The following CEP126 variants were observed in gnomAD, a reference collection of about 807,000 sequenced individuals.
CEP126 encodes centrosomal protein of 126 kDa.
In CEP126, 74 loss-of-function variants were observed where a neutral mutation model predicts 107.8. That is an observed-to-expected ratio of 0.69 (90% confidence interval 0.57 to 0.83). CEP126 has a LOEUF of 0.83. CEP126 is among the 40% of genes least tolerant of loss of function. CEP126 has a pLI of 0.00. For missense variants in CEP126, 1,237 were observed against 1,281.9 expected (o/e 0.96, Z 0.53); for synonymous variants, 449 against 446.0 (o/e 1.01, Z -0.08).
intron 6 of CEP126, among the ~76,000 whole-genome samples, chr11:101,964,503 C>T (rs1325658864): frequency 2.6e-5 from 4 of 151,972 alleles, no homozygotes; most frequent in East Asian, 1.9e-4. Context: ...CATGGTGGCG[C>T]GTGCCTGTAA....
chr11:101,952,194 G>A (rs531041955), intron 4 of CEP126, among the ~76,000 whole-genome samples: 2 of 152,268 alleles, frequency 1.3e-5, no homozygotes, highest in African/African-American at 4.8e-5. Context: ...TTGTGTTAAG[G>A]GAGCTACAAG....
rs748523679 is a variant in CEP126 at position 101,963,546 on chromosome 11, T to C, written c.2511T>C (p.Ser837=). Residue 837 remains serine (S), a synonymous_variant, in exon 6 of 11, where the codon TCT becomes TCC. Coordinates refer to ENST00000263468, the MANE Select transcript of CEP126 (RefSeq NM_020802.4). ...ENPQNIITHN[S]FNSKHVLPTE... ...CTCAAAACATTATTACACATAACTC[T>C]TTTAATTCAAAACATGTGCTTCCAA... The C allele has an allele frequency of 3.7e-6, 6 of 1,614,036 alleles. No homozygotes were observed.
At position 101,962,437 on chromosome 11, in the gene CEP126, A is replaced by G. The variant is rs1450564752; in HGVS notation, c.1402A>G (p.Asn468Asp). The G allele has an allele frequency of 1.2e-6, 2 of 1,613,884 alleles. No homozygotes were observed. Among genetic ancestry groups the G allele is most frequent in the Admixed American group, 3.3e-5 (2 of 59,998 alleles). ...PVATPLVLPS[N>D]IQSARPSAKN... ...GGCAACGCCTTTAGTTTTGCCATCT[A>G]ATATACAGTCAGCTAGACCTTCAGC... The change falls in exon 6 of 11, where the codon AAT becomes GAT. Residue 468 changes from asparagine to aspartate, a missense_variant. By Grantham distance (23) the Asn-to-Asp change is conservative (BLOSUM62 1). This residue lies in a region of CEP126 where 1,134 missense variants were observed against 1,150.5 expected (regional missense o/e 0.99). Transcript: ENST00000263468.
intron 8 of CEP126, among the ~76,000 whole-genome samples, chr11:101,983,266 G>A (rs1322650402): frequency 6.6e-6 from 1 of 152,170 alleles, no homozygotes; most frequent in Non-Finnish European, 1.5e-5. Context: ...AGCAACCTAA[G>A]TGTAAAATGT....
intron 10 of CEP126, among the ~76,000 whole-genome samples, chr11:101,995,585 G>C (rs1339202172): frequency 6.6e-6 from 1 of 152,168 alleles, no homozygotes; most frequent in South Asian, 2.1e-4. Context: ...AGTTCGTGGG[G>C]AAGGGGATCA....
chr11:101,936,928 G>A (rs892636698), intron 2 of CEP126, among the ~76,000 whole-genome samples: 3 of 151,972 alleles, frequency 2.0e-5, no homozygotes, highest in Non-Finnish European at 4.4e-5. Flanking sequence ...GATTTTATTT[G>A]CTAATACAGA....
At chr11:101,997,496 T>G in intron 10 of CEP126, 103 bp from the exon 11 acceptor site, 1 of 1,572,502 alleles carries the variant, frequency 6.4e-7, no homozygotes, top group Non-Finnish European at 8.6e-7. Flanking sequence ...GAGAATGATG[T>G]CAGGATGTGT....
At chr11:101,975,184 G>A (rs983157201) in intron 6 of CEP126, among the ~76,000 whole-genome samples, 5 of 152,004 alleles carry the variant, frequency 3.3e-5, no homozygotes, top group Non-Finnish European at 7.4e-5. Context: ...TGATACAGGT[G>A]GAAATAAGCA....
chr11:101,969,179 G>C (rs1402517449), intron 6 of CEP126, among the ~76,000 whole-genome samples: 2 of 151,916 alleles, frequency 1.3e-5, no homozygotes, highest in Non-Finnish European at 2.9e-5. Context: ...TGCCACCATG[G>C]CTGACTAATT....
intron 6 of CEP126, among the ~76,000 whole-genome samples, chr11:101,974,406 CAAA>C (rs1941169820): frequency 6.6e-6 from 1 of 151,960 alleles, no homozygotes; most frequent in Non-Finnish European, 1.5e-5. Context: ...AGGCTTATGA[CAAA>C]GAAGAAGGAG....
rs777878624 is a variant in CEP126 at position 101,963,338 on chromosome 11, G to A, written c.2303G>A (p.Gly768Asp). The A allele has an allele frequency of 6.8e-6, 11 of 1,613,908 alleles. No homozygotes were observed. Among genetic ancestry groups the A allele is most frequent in the Middle Eastern group, 1.6e-4 (1 of 6,084 alleles). The change falls in exon 6 of 11, where the codon GGC becomes GAC. Residue 768 changes from glycine to aspartate, a missense_variant. Gly to Asp is a moderately conservative substitution (Grantham distance 94, BLOSUM62 -1). Transcript: ENST00000263468. ...RKPGSAKVQS[G>D]FICTNRKGAV... ...CCAGGATCTGCAAAAGTCCAATCAG[G>A]CTTTATATGTACAAACAGAAAAGGC...
chr11:101,971,056 C>A (rs1036687504), intron 6 of CEP126, among the ~76,000 whole-genome samples: 1 of 152,122 alleles, frequency 6.6e-6, no homozygotes, highest in Admixed American at 6.5e-5. Context: ...GTGCAACAGC[C>A]TCCCAGGCTC....
intron 9 of CEP126, among the ~76,000 whole-genome samples, chr11:101,987,251 T>C (rs1021920168): frequency 5.3e-5 from 8 of 152,350 alleles, no homozygotes; most frequent in African/African-American, 1.9e-4. Context: ...GGCAGACTTA[T>C]CTGTCTTTTC....
In CEP126 at chr11:101,927,711, A is replaced by G. The variant is rs142691996; in HGVS notation, c.248+4951A>G. Among the ~76,000 whole-genome samples, 80 of 152,254 alleles carry G rather than the reference A, an allele frequency of 5.3e-4. 1 individual carries two copies. The highest frequency in any genetic ancestry group is 3.4e-3 in the Middle Eastern group (1 of 294). ...AGTACAATTCTTTGGGATTCATTCA[A>G]GTTGTAGTGTGTATCAGTAGCTTTT... On this transcript the variant is annotated intron_variant, in intron 2 of 10. Coordinates refer to ENST00000263468, the MANE Select transcript of CEP126 (RefSeq NM_020802.4).
intron 9 of CEP126, among the ~76,000 whole-genome samples, chr11:101,991,513 A>G (rs2137135434): frequency 6.6e-6 from 1 of 152,358 alleles, no homozygotes; most frequent in Middle Eastern, 3.4e-3. Flanking sequence ...GTTAAAGGTT[A>G]TGGTGGGAAA....
chr11:101,933,824 C>CG (rs1940537602), intron 2 of CEP126, among the ~76,000 whole-genome samples: 1 of 144,564 alleles, frequency 6.9e-6, no homozygotes, highest in African/African-American at 2.5e-5. Flanking sequence ...ACCCCCCCCC[C>CG]ACCAAAACAA....
chr11:101,925,552 C>T (rs924406759), intron 2 of CEP126, among the ~76,000 whole-genome samples: 20 of 149,546 alleles, frequency 1.3e-4, no homozygotes, highest in East Asian at 6.0e-4. Context: ...GGGTGGATCA[C>T]GAGGTCAGGA....
At position 101,948,068 on chromosome 11, in the gene CEP126, C is replaced by T. The variant is rs1442375576; in HGVS notation, c.432C>T (p.Leu144=). 1.2e-6 allele frequency: 2 copies of T among 1,611,894 alleles called. No homozygotes were observed. The highest frequency in any genetic ancestry group is 1.7e-6 in the Non-Finnish European group (2 of 1,178,636). ...RKPVPPLEEA[L]KQIQESNLKS... ...CAGTTCCTCCATTAGAAGAGGCCCT[C>T]AAACAAATTCAGGAATCCAACTTAA... Residue 144 remains leucine (L), a synonymous_variant, in exon 4 of 11, where the codon CTC becomes CTT. Transcript: ENST00000263468.
chr11:101,948,082 A>G lies in CEP126; in HGVS notation c.446A>G (p.Glu149Gly), dbSNP rs757602403. ...GAAGAGGCCCTCAAACAAATTCAGG[A>G]ATCCAACTTAAAATCAGAAGTAAAC... ...PLEEALKQIQ[E>G]SNLKSEVNLP... Residue 149 changes from glutamate (E) to glycine (G), a missense_variant, in exon 4 of 11, where the codon GAA becomes GGA. By Grantham distance (98) the Glu-to-Gly change is moderately conservative. Coordinates refer to ENST00000263468, the MANE Select transcript of CEP126 (RefSeq NM_020802.4). The G allele has an allele frequency of 6.2e-7, 1 of 1,612,194 alleles. No individual in the cohort carries two copies. The highest frequency in any genetic ancestry group is 8.5e-7 in the Non-Finnish European group (1 of 1,178,754).
Sources: gnomAD v4.1 joint callset for allele counts (sites outside exome capture counted in the v4.1 genomes callset) on GRCh38, gnomAD v4.1.1 for gene constraint, gnomAD v4.1.1 regional missense constraint, MANE v1.5 for transcripts, NCBI Gene and HGNC (gene_info 2026-07-23, HGNC 2026-07-21) for gene names.